The following SGCZ variants were observed in gnomAD, a reference collection of about 807,000 sequenced individuals.
SGCZ encodes the protein zeta-sarcoglycan.
A neutral mutation model predicts 41.3 loss-of-function variants in SGCZ; 40 were observed. The ratio of observed to expected loss-of-function variants is 0.97; its 90% CI spans 0.75 to 1.26. The LOEUF (loss-of-function observed/expected upper bound fraction) is 1.26, where lower values mean the gene tolerates loss of function less well. Among genes scored for constraint, SGCZ ranks in the 50% most tolerant of loss-of-function variants. The pLI is 0.00. For synonymous variants in SGCZ, 206 were observed against 137.5 expected (o/e 1.50, Z -3.49); for missense variants, 552 against 369.8 (o/e 1.49, Z -4.04).
intron 1 of SGCZ, among the ~76,000 whole-genome samples, chr8:15,065,039 G>C (rs964882674): frequency 2.6e-5 from 4 of 152,082 alleles, no homozygotes; most frequent in African/African-American, 9.7e-5. Context: ...ACACCAGCAA[G>C]GGAGACTTCC....
At chr8:14,723,761 T>G (rs1167121312) in intron 1 of SGCZ, among the ~76,000 whole-genome samples, 1 of 152,088 alleles carries the variant, frequency 6.6e-6, no homozygotes, top group Non-Finnish European at 1.5e-5. Flanking sequence ...TTTATATACA[T>G]TTATATGAGT....
At chr8:15,223,395 AC>A (rs750704500) in intron 1 of SGCZ, among the ~76,000 whole-genome samples, 5 of 152,166 alleles carry the variant, frequency 3.3e-5, no homozygotes, top group Non-Finnish European at 7.3e-5. Flanking sequence ...CTCCCACCTC[AC>A]ACAAAGACGA....
chr8:14,456,236 C>G (rs892087876), intron 2 of SGCZ, among the ~76,000 whole-genome samples: 1 of 152,048 alleles, frequency 6.6e-6, no homozygotes, highest in South Asian at 2.1e-4. Context: ...TAGTGAAACC[C>G]TGTCTCTACT....
chr8:15,020,720 C>T (rs377429104), intron 1 of SGCZ, among the ~76,000 whole-genome samples: 1 of 152,158 alleles, frequency 6.6e-6, no homozygotes, highest in East Asian at 1.9e-4. Flanking sequence ...ATGGTCAGTA[C>T]TTCACCTGTC....
intron 2 of SGCZ, among the ~76,000 whole-genome samples, chr8:14,423,236 A>T (rs1165847681): frequency 1.3e-5 from 2 of 151,974 alleles, no homozygotes; most frequent in Non-Finnish European, 2.9e-5. Flanking sequence ...TGGGTGCAGC[A>T]CACCAGCATG....
chr8:14,287,442 TG>T (rs1389275716), intron 3 of SGCZ, among the ~76,000 whole-genome samples: 2 of 142,102 alleles, frequency 1.4e-5, no homozygotes, highest in African/African-American at 5.3e-5. Context: ...TTCTGTCTGG[TG>T]GAAAAAAAGT....
At chr8:14,514,805 G>C (rs1021050112) in intron 2 of SGCZ, among the ~76,000 whole-genome samples, 12 of 72,042 alleles carry the variant, frequency 1.7e-4, no homozygotes, top group African/African-American at 5.0e-4. Context: ...GTGTGTGTGT[G>C]TGTGTGTGTA....
chr8:14,993,195 C>G (rs75624592), intron 1 of SGCZ, among the ~76,000 whole-genome samples: 3,398 of 152,266 alleles, frequency 0.022, 148 homozygotes, highest in African/African-American at 0.077. Flanking sequence ...CCCTTTAACT[C>G]ACGAAGAGTA....
chr8:14,120,731 A>G, intron 5 of SGCZ, among the ~76,000 whole-genome samples: 1 of 152,124 alleles, frequency 6.6e-6, no homozygotes, highest in Non-Finnish European at 1.5e-5. Context: ...GTTCTGTGAG[A>G]CTGCTACTGC....
chr8:15,136,468 T>C (rs1400328186), intron 1 of SGCZ, among the ~76,000 whole-genome samples: 1 of 151,888 alleles, frequency 6.6e-6, no homozygotes, highest in African/African-American at 2.4e-5. Context: ...TGGGTAATTG[T>C]CAGGGAAGGG....
chr8:14,423,177 G>A (rs1031504261), intron 2 of SGCZ, among the ~76,000 whole-genome samples: 1 of 151,890 alleles, frequency 6.6e-6, no homozygotes, highest in Non-Finnish European at 1.5e-5. Flanking sequence ...TGGGCGGAGG[G>A]GGGAGGGATA....
intron 2 of SGCZ, among the ~76,000 whole-genome samples, chr8:14,436,548 T>C (rs1177672411): frequency 6.6e-6 from 1 of 152,160 alleles, no homozygotes; most frequent in African/African-American, 2.4e-5. Context: ...TTACTTGAGT[T>C]GTCATTTGCA....
chr8:15,014,755 G>C (rs1374217727), intron 1 of SGCZ, among the ~76,000 whole-genome samples: 1 of 152,170 alleles, frequency 6.6e-6, no homozygotes, highest in Non-Finnish European at 1.5e-5. Flanking sequence ...CTTTATAAAA[G>C]GCTTGATTCC....
At chr8:15,097,900 A>AGG (rs1563124207) in intron 1 of SGCZ, among the ~76,000 whole-genome samples, 4 of 120,412 alleles carry the variant, frequency 3.3e-5, no homozygotes, top group Middle Eastern at 9.0e-3. Context: ...ATATATATAT[A>AGG]TATATATATA....
chr8:14,370,872 TACTG>T (rs1036309472), intron 2 of SGCZ, among the ~76,000 whole-genome samples: 8 of 151,998 alleles, frequency 5.3e-5, no homozygotes, highest in African/African-American at 1.9e-4. Context: ...GCATTTTTCT[TACTG>T]ACTGTGTAAT....
intron 4 of SGCZ, among the ~76,000 whole-genome samples, chr8:14,210,782 T>G (rs1805779153): frequency 6.6e-6 from 1 of 152,184 alleles, no homozygotes; most frequent in Admixed American, 6.5e-5. Context: ...ATTTCTAATT[T>G]ATTTAAAAAA....
intron 1 of SGCZ, among the ~76,000 whole-genome samples, chr8:14,779,898 G>T (rs1263099434): frequency 6.6e-6 from 1 of 152,130 alleles, no homozygotes; most frequent in Non-Finnish European, 1.5e-5. Flanking sequence ...ATGTAAATTT[G>T]ACCAACGTAT....
intron 1 of SGCZ, among the ~76,000 whole-genome samples, chr8:14,854,826 G>A (rs977077068): frequency 4.0e-5 from 6 of 151,804 alleles, no homozygotes; most frequent in African/African-American, 9.7e-5. Flanking sequence ...ATATAAACCC[G>A]GCAGAGAGTG....
At chr8:14,212,970 G>A (rs1805867133) in intron 4 of SGCZ, among the ~76,000 whole-genome samples, 1 of 151,988 alleles carries the variant, frequency 6.6e-6, no homozygotes, top group Admixed American at 6.6e-5. Context: ...GGAAATAACA[G>A]GAGATGTAAT....
Sources: allele counts gnomAD v4.1 joint callset (sites outside exome capture counted in the v4.1 genomes callset), GRCh38; gene constraint gnomAD v4.1.1; transcripts MANE v1.5; gene names NCBI Gene and HGNC (gene_info 2026-07-23, HGNC 2026-07-21).